SKP2: variants seen among roughly 807,000 people sequenced by gnomAD.
SKP2 encodes the protein S-phase kinase associated protein 2.
A neutral mutation model predicts 51.8 loss-of-function variants in SKP2; 16 were observed. The ratio of observed to expected loss-of-function variants is 0.31; its 90% CI spans 0.21 to 0.47. The LOEUF (loss-of-function observed/expected upper bound fraction) is 0.47, where lower values mean the gene tolerates loss of function less well. Among genes scored for constraint, SKP2 ranks in the 20% least tolerant of loss-of-function variants. The pLI is 1.00. For synonymous variants in SKP2, 176 were observed against 198.6 expected (o/e 0.89, Z 0.96); for missense variants, 377 against 505.3 (o/e 0.75, Z 2.43).
At chr5:36,188,272 A>G (rs1745974823), downstream of SKP2, among the ~76,000 whole-genome samples, 1 of 152,156 alleles carries the variant, frequency 6.6e-6, no homozygotes, top group Non-Finnish European at 1.5e-5. Context: ...TCCTGTCATT[A>G]TGATGTTAGC....
At chr5:36,163,814 T>G (rs1561534233) in intron 3 of SKP2, 58 bp downstream of exon 3, 2 of 1,181,500 alleles carry the variant, frequency 1.7e-6, no homozygotes, top group East Asian at 4.7e-5. Context: ...GGAAGGTTAT[T>G]TATTCGTTTT....
chr5:36,180,143 C>A, intron 9 of SKP2: 3 of 528,858 alleles, frequency 5.7e-6, no homozygotes, highest in Non-Finnish European at 1.1e-5. Context: ...ACTCCACCTA[C>A]AGTTTCTTCC....
chr5:36,191,059 G>A (rs536088736), intron 6 of SKP2, among the ~76,000 whole-genome samples: 1 of 152,134 alleles, frequency 6.6e-6, no homozygotes, highest in East Asian at 1.9e-4. Context: ...TTTATTTATT[G>A]AAGAAACTAT....
At chr5:36,155,052 A>G (rs1744899548) in intron 2 of SKP2, 1 of 152,232 alleles carries the variant, frequency 6.6e-6, no homozygotes, top group African/African-American at 2.4e-5. Context: ...AAGTATATTC[A>G]TAAATTCTCC....
chr5:36,168,668 G>A (rs1388943399), intron 5 of SKP2, among the ~76,000 whole-genome samples: 1 of 152,156 alleles, frequency 6.6e-6, no homozygotes, highest in East Asian at 1.9e-4. Context: ...AGAGATACAA[G>A]TACAAGGATG....
intron 9 of SKP2, 90 bp downstream of exon 9, chr5:36,177,382 T>C: frequency 1.2e-6 from 1 of 814,842 alleles, no homozygotes; most frequent in African/African-American, 1.7e-5. Flanking sequence ...TTAATAGACA[T>C]ATGAAACCGA....
intron 2 of SKP2, among the ~76,000 whole-genome samples, chr5:36,160,538 A>G (rs1745090333): frequency 6.6e-6 from 1 of 152,204 alleles, no homozygotes; most frequent in Admixed American, 6.5e-5. Context: ...CCCAAAACCT[A>G]GAACAGACCT....
At chr5:36,152,632 G>A (rs937570007) in intron 1 of SKP2, 139 bp from the exon 2 acceptor site, 1 of 849,430 alleles carries the variant, frequency 1.2e-6, no homozygotes, top group Non-Finnish European at 1.8e-6. Flanking sequence ...GTAACTCGCC[G>A]CAGGCACATA....
downstream of SKP2, among the ~76,000 whole-genome samples, chr5:36,189,101 C>G (rs577280605): frequency 6.6e-6 from 1 of 152,178 alleles, no homozygotes; most frequent in Non-Finnish European, 1.5e-5. Flanking sequence ...CTTCTCTACA[C>G]TGGTTATTCT....
chr5:36,181,597 T>G (rs1201210723), intron 9 of SKP2, among the ~76,000 whole-genome samples: 3 of 152,222 alleles, frequency 2.0e-5, no homozygotes, highest in Non-Finnish European at 4.4e-5. Flanking sequence ...GGAACCTCAT[T>G]CAATAAAATG....
intron 1 of SKP2, 91 bp downstream of exon 1, chr5:36,152,361 A>C (rs1744760039): frequency 1.6e-6 from 2 of 1,219,262 alleles, no homozygotes; most frequent in African/African-American, 3.0e-5. Flanking sequence ...TAATATTGTT[A>C]GTAATGCTGT....
chr5:36,188,834 T>G (rs1421487618), downstream of SKP2, among the ~76,000 whole-genome samples: 1 of 152,232 alleles, frequency 6.6e-6, no homozygotes, highest in Non-Finnish European at 1.5e-5. Context: ...TTTTCCAACT[T>G]GGTTCCATTC....
chr5:36,177,057 A>G (rs750283192), intron 8 of SKP2, 41 bp downstream of exon 8: 1 of 1,458,638 alleles, frequency 6.9e-7, no homozygotes, highest in East Asian at 2.3e-5. Context: ...AAGTTGAAAA[A>G]TCTTGATTTC....
intron 9 of SKP2, among the ~76,000 whole-genome samples, chr5:36,177,818 T>G (rs1000168343): frequency 6.6e-6 from 1 of 152,104 alleles, no homozygotes; most frequent in African/African-American, 2.4e-5. Flanking sequence ...CAGGGGCATG[T>G]TAAGGTCTAA....
At chr5:36,153,281 C>G (rs1005627569) in intron 2 of SKP2, among the ~76,000 whole-genome samples, 1 of 149,900 alleles carries the variant, frequency 6.7e-6, no homozygotes, top group Non-Finnish European at 1.5e-5. Context: ...AAATTTTAAC[C>G]CATGAGAAGA....
intron 6 of SKP2, among the ~76,000 whole-genome samples, chr5:36,191,227 C>A (rs911954620): frequency 6.6e-6 from 1 of 152,060 alleles, no homozygotes; most frequent in Admixed American, 6.5e-5. Context: ...TTGGTAACAT[C>A]TGAAGACATT....
rs1046706938 is a variant in SKP2 at position 36,152,954 on chromosome 5, C to T, written c.192C>T (p.Ser64=). ...ELLSNLGHPE[S]PPRKRLKSKG... ...TCTCAAACCTGGGCCACCCGGAGAGCCCCCCACGGAAACGGCTGAAGAGCA... is the reference window on the plus strand; with the variant it reads ...TCTCAAACCTGGGCCACCCGGAGAGTCCCCCACGGAAACGGCTGAAGAGCA... The change falls in exon 2 of 10, where the codon AGC becomes AGT. Residue 64 remains serine, a synonymous_variant. Transcript: ENST00000274255. 2.5e-6 allele frequency: 4 copies of T among 1,613,958 alleles called. No homozygotes were observed. Among genetic ancestry groups the T allele is most frequent in the Non-Finnish European group, 8.5e-7 (1 of 1,179,914 alleles).
chr5:36,152,743 G>C, intron 1 of SKP2, 28 bp from the exon 2 acceptor site: 1 of 1,604,786 alleles, frequency 6.2e-7, no homozygotes, highest in Non-Finnish European at 8.5e-7. Flanking sequence ...TTTTCGAAAG[G>C]AACCGGGGGT....
At chr5:36,173,476 A>G (rs1355923437) in intron 7 of SKP2, among the ~76,000 whole-genome samples, 1 of 152,146 alleles carries the variant, frequency 6.6e-6, no homozygotes, top group African/African-American at 2.4e-5. Flanking sequence ...AGGTGAAGGG[A>G]AGGCAGTGCC....
Sources: gnomAD v4.1 joint callset for allele counts (sites outside exome capture counted in the v4.1 genomes callset) on GRCh38, gnomAD v4.1.1 for gene constraint, MANE v1.5 for transcripts, NCBI Gene and HGNC (gene_info 2026-07-23, HGNC 2026-07-21) for gene names.